Variants in OTOG observed in about 807,000 individuals in gnomAD.
The protein encoded by OTOG is otogelin.
OTOG carries 296 observed loss-of-function variants against 313.8 expected under a neutral mutation model. The observed-to-expected ratio is 0.94, with a 90% confidence interval of 0.86 to 1.04. The LOEUF is 1.04. Ranked by LOEUF, OTOG falls within the 50% of genes least tolerant of loss-of-function variation. The pLI is 0.00. For synonymous variants in OTOG, 1,533 were observed against 1,554.9 expected (o/e 0.99, Z 0.33); for missense variants, 3,948 against 3,840.1 (o/e 1.03, Z -0.74).
At chr11:17,627,813 G>A (rs779387103) in intron 39 of OTOG, among the ~76,000 whole-genome samples, 5 of 152,084 alleles carry the variant, frequency 3.3e-5, no homozygotes, top group Non-Finnish European at 7.4e-5. Flanking sequence ...TCTTGAGGTT[G>A]TATGTGTCTA....
intron 6 of OTOG, among the ~76,000 whole-genome samples, chr11:17,555,207 A>AGATGTGTGTG (rs769143670): frequency 1.4e-5 from 2 of 141,160 alleles, no homozygotes; most frequent in African/African-American, 5.2e-5. Flanking sequence ...GGGGGCAGAG[A>AGATGTGTGTG]TGTGTGTGTG....
In OTOG at chr11:17,547,278, C is replaced by T. The variant is rs1851827669; in HGVS notation, c.-95C>T. 6 of 1,065,702 alleles carry T rather than the reference C, an allele frequency of 5.6e-6. No homozygotes were observed. The highest frequency in any genetic ancestry group is 1.7e-5 in the African/African-American group (1 of 60,426). The allele number at this position is 1,065,702 out of a possible 1,614,324, so 66.0% of individuals were successfully genotyped here. On this transcript the variant is annotated 5_prime_UTR_variant, in exon 1 of 56. Coordinates refer to ENST00000399397, the MANE Select transcript of OTOG (RefSeq NM_001292063.2). Reference sequence around the variant, plus strand: ...TGGGGCATGAGAACAAGAGGGACCTCGGCTGCGGAGTGGAGGTGTGACCCT... The same window carrying T: ...TGGGGCATGAGAACAAGAGGGACCTTGGCTGCGGAGTGGAGGTGTGACCCT...
intron 31 of OTOG, among the ~76,000 whole-genome samples, chr11:17,601,227 T>C (rs1295055909): frequency 6.6e-6 from 1 of 152,180 alleles, no homozygotes; most frequent in Non-Finnish European, 1.5e-5. Flanking sequence ...GTGTGTGCCA[T>C]GCTCCAAGAG....
rs780180476 is a variant in OTOG at position 17,593,651 on chromosome 11, A to G, written c.3183A>G (p.Thr1061=). The G allele has an allele frequency of 7.1e-6, 11 of 1,549,128 alleles. No individual in the cohort carries two copies. Among genetic ancestry groups the G allele is most frequent in the Non-Finnish European group, 8.7e-6 (10 of 1,146,958 alleles). The change falls in exon 27 of 56, where the codon ACA becomes ACG. Residue 1061 remains threonine (T), a synonymous_variant. Coordinates refer to ENST00000399397, the MANE Select transcript of OTOG (RefSeq NM_001292063.2). ...SFLDDKQEVH[T]WRVGFFTLVH... ...TGGATGACAAGCAGGAGGTCCACAC[A>G]TGGCGAGTGGGATTTTTCACACTGG...
rs117912949 is a variant in OTOG at position 17,620,435 on chromosome 11, G to A, written c.6528+6734G>A. Among the ~76,000 whole-genome samples, 1,025 of 152,196 alleles carry A rather than the reference G, an allele frequency of 6.7e-3. 4 individuals carry two copies. Among genetic ancestry groups the A allele is most frequent in the Non-Finnish European group, 0.011 (771 of 68,004 alleles). ...GTATCAATGCTTCATTTATTTTTAT[G>A]GCTGGAATAATATTCCATTGTATGT... is the stretch of plus-strand genomic sequence containing the variant. On this transcript the variant is annotated intron_variant, in intron 39 of 55. Transcript: ENST00000399397.
chr11:17,579,774 C>T (rs929507293), intron 23 of OTOG, among the ~76,000 whole-genome samples: 14 of 152,104 alleles, frequency 9.2e-5, no homozygotes, highest in Non-Finnish European at 1.2e-4. Context: ...GGTCAGGAAC[C>T]GAGGGTCACT....
At chr11:17,552,268 T>G (rs551102151) in intron 4 of OTOG, among the ~76,000 whole-genome samples, 193 bp downstream of exon 4, 1 of 152,256 alleles carries the variant, frequency 6.6e-6, no homozygotes, top group South Asian at 2.1e-4. Context: ...GAGGAGAGCT[T>G]CCTCTCTAGA....
At chr11:17,553,253 T>A in intron 5 of OTOG, 42 bp downstream of exon 5, 1 of 1,543,038 alleles carries the variant, frequency 6.5e-7, no homozygotes, top group Non-Finnish European at 8.8e-7. Context: ...GGGACCTGGG[T>A]GCAGGGAAAG....
chr11:17,591,613 AGTTG>A, intron 25 of OTOG, 25 bp downstream of exon 25: 1 of 1,549,878 alleles, frequency 6.5e-7, no homozygotes, highest in Non-Finnish European at 8.7e-7. Flanking sequence ...GTTTCTGCCC[AGTTG>A]GCTCCATGCA....
intron 13 of OTOG, 109 bp from the exon 14 acceptor site, chr11:17,560,982 C>T: frequency 7.6e-7 from 1 of 1,319,474 alleles, no homozygotes; most frequent in Non-Finnish European, 1.1e-6. Context: ...AAATCTCTAC[C>T]ACCCATTTTA....
At chr11:17,595,811 A>G (rs1853083129) in intron 28 of OTOG, among the ~76,000 whole-genome samples, 1 of 152,178 alleles carries the variant, frequency 6.6e-6, no homozygotes, top group Non-Finnish European at 1.5e-5. Context: ...CATGTTGGGA[A>G]TCATGTGATC....
Position 17,548,781 on chromosome 11 carries a change from A to G in OTOG, c.216+569A>G, listed in dbSNP as rs77597032. ...GACACAGGCTGGAGTGCAGTCGCAT[A>G]ATCATAGTTCACTGCAGCCTCAACT... On this transcript the variant is annotated intron_variant, in intron 3 of 55. Coordinates refer to ENST00000399397, the MANE Select transcript of OTOG (RefSeq NM_001292063.2). 2.0e-5 allele frequency among the ~76,000 whole-genome samples: 3 copies of G among 151,930 alleles called. No homozygotes were observed. The East Asian group carries it at 5.8e-4, about 29-fold the overall frequency.
At chr11:17,567,956 G>C (rs1852323189) in intron 15 of OTOG, among the ~76,000 whole-genome samples, 1 of 152,044 alleles carries the variant, frequency 6.6e-6, no homozygotes, top group Non-Finnish European at 1.5e-5. Flanking sequence ...CACCCAGGCT[G>C]GAGTGCAGTG....
At chr11:17,645,382 G>T (rs1008421063) in intron 54 of OTOG, among the ~76,000 whole-genome samples, 182 bp from the exon 55 acceptor site, 1 of 152,132 alleles carries the variant, frequency 6.6e-6, no homozygotes, top group African/African-American at 2.4e-5. Flanking sequence ...TCCTGACTCC[G>T]CCTCCTTCCA....
chr11:17,557,725 A>T (rs1852086044), intron 8 of OTOG, among the ~76,000 whole-genome samples: 1 of 152,138 alleles, frequency 6.6e-6, no homozygotes, highest in Non-Finnish European at 1.5e-5. Context: ...GTTCAGGGCC[A>T]AATCATGGTG....
intron 3 of OTOG, 43 bp downstream of exon 3, chr11:17,548,255 A>C: frequency 1.9e-4 from 285 of 1,487,882 alleles, no homozygotes; most frequent in Non-Finnish European, 2.3e-4. Context: ...GCAGGAGCTC[A>C]TGTCTATCTG....
At chr11:17,587,849 T>C (rs1042025583) in intron 24 of OTOG, among the ~76,000 whole-genome samples, 2 of 151,992 alleles carry the variant, frequency 1.3e-5, no homozygotes, top group Non-Finnish European at 2.9e-5. Context: ...GCACATGAGG[T>C]GGGAGACTGG....
intron 23 of OTOG, among the ~76,000 whole-genome samples, chr11:17,584,791 G>T (rs191169367): frequency 8.5e-5 from 13 of 152,332 alleles, no homozygotes; most frequent in South Asian, 4.1e-4. Context: ...CTTCCAAAGT[G>T]CTGGGATTAT....
At chr11:17,628,306 T>G (rs1203395727) in intron 39 of OTOG, among the ~76,000 whole-genome samples, 2 of 152,170 alleles carry the variant, frequency 1.3e-5, no homozygotes, top group Admixed American at 6.5e-5. Context: ...TTTTCATAAT[T>G]TTTTTATTGA....
Sources: allele counts gnomAD v4.1 joint callset (sites outside exome capture counted in the v4.1 genomes callset), GRCh38; gene constraint gnomAD v4.1.1; transcripts MANE v1.5; gene names NCBI Gene and HGNC (gene_info 2026-07-23, HGNC 2026-07-21).